Variants in RGSL1 observed in about 807,000 individuals in gnomAD.
The protein encoded by RGSL1 is regulator of G protein signaling like 1.
In RGSL1, 97 loss-of-function variants were observed where a neutral mutation model predicts 124.7. The observed-to-expected ratio is 0.78, with a 90% CI of 0.66 to 0.92. RGSL1 has a LOEUF of 0.92. Ranked by LOEUF, RGSL1 falls within the 40% of genes least tolerant of loss-of-function variation. The probability of loss-of-function intolerance (pLI) is 0.00; values close to 1 mark genes in which losing one functional copy is unlikely to be tolerated. For synonymous variants in RGSL1, 424 were observed against 438.1 expected (o/e 0.97, Z 0.40); for missense variants, 1,233 against 1,288.4 (o/e 0.96, Z 0.66).
chr1:182,487,424 A>G (rs992201128), intron 6 of RGSL1, among the ~76,000 whole-genome samples: 24 of 152,124 alleles, frequency 1.6e-4, no homozygotes, highest in African/African-American at 5.8e-4. Flanking sequence ...TTCAGCCCAC[A>G]CTGAAGTACT....
intron 9 of RGSL1, among the ~76,000 whole-genome samples, chr1:182,521,568 T>G (rs1368732307): frequency 1.3e-5 from 2 of 152,196 alleles, no homozygotes; most frequent in Non-Finnish European, 2.9e-5. Context: ...AAGTCAAGCA[T>G]CTGTGAAAGT....
chr1:182,490,652 A>C (rs1176347975), intron 8 of RGSL1, among the ~76,000 whole-genome samples: 1 of 152,162 alleles, frequency 6.6e-6, no homozygotes, highest in Non-Finnish European at 1.5e-5. Context: ...TTCACCACAC[A>C]TATGTTGGGC....
intron 4 of RGSL1, among the ~76,000 whole-genome samples, chr1:182,464,046 C>G (rs1479041458): frequency 6.6e-6 from 1 of 151,920 alleles, no homozygotes; most frequent in Non-Finnish European, 1.5e-5. Context: ...AAATAAATAA[C>G]AGAAGTTAAA....
chr1:182,508,276 T>G (rs1052566589), intron 9 of RGSL1, among the ~76,000 whole-genome samples: 6 of 148,240 alleles, frequency 4.0e-5, no homozygotes, highest in Admixed American at 1.4e-4. Context: ...GTGATGGTTG[T>G]TGGTGGTGGT....
chr1:182,513,633 T>C (rs908127892), intron 9 of RGSL1, among the ~76,000 whole-genome samples: 1 of 152,204 alleles, frequency 6.6e-6, no homozygotes, highest in Non-Finnish European at 1.5e-5. Flanking sequence ...ATGGTGACTC[T>C]TAAGCTTCTG....
intron 2 of RGSL1, among the ~76,000 whole-genome samples, chr1:182,454,291 C>T (rs2101979355): frequency 6.6e-6 from 1 of 152,222 alleles, no homozygotes; most frequent in East Asian, 1.9e-4. Context: ...TTTACCTGTC[C>T]AAAGTTACTT....
chr1:182,452,424 C>T (rs1248965300), intron 1 of RGSL1, among the ~76,000 whole-genome samples: 1 of 151,586 alleles, frequency 6.6e-6, no homozygotes. Context: ...GATACCAGCT[C>T]TGTCACTCAC....
chr1:182,499,335 T>C (rs1034926783), intron 9 of RGSL1, among the ~76,000 whole-genome samples: 4 of 152,208 alleles, frequency 2.6e-5, no homozygotes, highest in Non-Finnish European at 5.9e-5. Context: ...TAAGAACTTG[T>C]TTTATGATCC....
chr1:182,513,306 G>A (rs947638090), intron 9 of RGSL1, among the ~76,000 whole-genome samples: 2 of 152,194 alleles, frequency 1.3e-5, no homozygotes, highest in African/African-American at 2.4e-5. Context: ...CTGGCAAAAC[G>A]AAGCCATCTT....
intron 21 of RGSL1, among the ~76,000 whole-genome samples, chr1:182,556,813 C>T (rs1412624043): frequency 6.6e-6 from 1 of 152,034 alleles, no homozygotes; most frequent in Non-Finnish European, 1.5e-5. Flanking sequence ...GGCCTATTTT[C>T]TCTCCTTTGA....
At chr1:182,552,787 G>A (rs1328171096) in intron 18 of RGSL1, among the ~76,000 whole-genome samples, 1 of 152,196 alleles carries the variant, frequency 6.6e-6, no homozygotes, top group East Asian at 1.9e-4. Flanking sequence ...AGGCAGAAGG[G>A]CAAGAGAGTG....
At chr1:182,529,266 A>G (rs1658990922) in intron 11 of RGSL1, among the ~76,000 whole-genome samples, 1 of 152,218 alleles carries the variant, frequency 6.6e-6, no homozygotes, top group African/African-American at 2.4e-5. Flanking sequence ...TAAAGGAAAC[A>G]CAGAGAGGTT....
chr1:182,472,543 G>C lies in RGSL1; in HGVS notation c.449G>C (p.Cys150Ser). ...GAGGGCTCCAGGGTGGTAACCCTCTGTAACATGAACATCAGTAAGAATTAT... is the reference window on the plus strand; with the variant it reads ...GAGGGCTCCAGGGTGGTAACCCTCTCTAACATGAACATCAGTAAGAATTAT... ...LQEGSRVVTL[C>S]NMNIKSLLNL... The change falls in exon 5 of 22, where the codon TGT becomes TCT. Residue 150 changes from cysteine to serine, a missense_variant. Transcript: ENST00000294854. 6.5e-7 allele frequency: 1 copy of C among 1,532,240 alleles called. No homozygotes were observed. Among genetic ancestry groups the C allele is most frequent in the Non-Finnish European group, 8.8e-7 (1 of 1,134,308 alleles). The allele number at this position is 1,532,240 out of a possible 1,614,324, so 94.9% of individuals were successfully genotyped here.
chr1:182,499,464 G>T (rs1656187519), intron 9 of RGSL1, among the ~76,000 whole-genome samples: 3 of 152,160 alleles, frequency 2.0e-5, no homozygotes, highest in Admixed American at 2.0e-4. Context: ...TTGATTTAAA[G>T]ACTGTTTTGT....
chr1:182,471,547 G>A (rs1158255616), intron 4 of RGSL1, among the ~76,000 whole-genome samples: 2 of 152,076 alleles, frequency 1.3e-5, no homozygotes, highest in African/African-American at 2.4e-5. Context: ...CATAGTGTAG[G>A]TTAAGGGAAA....
chr1:182,529,150 G>C (rs975805818), intron 11 of RGSL1, among the ~76,000 whole-genome samples: 2 of 152,150 alleles, frequency 1.3e-5, no homozygotes, highest in Non-Finnish European at 1.5e-5. Flanking sequence ...CCAAGTCTAA[G>C]ATACTTTCAC....
chr1:182,489,620 T>A (rs1331525175), intron 8 of RGSL1, among the ~76,000 whole-genome samples: 2 of 152,246 alleles, frequency 1.3e-5, no homozygotes, highest in Non-Finnish European at 2.9e-5. Flanking sequence ...TATTTTACAG[T>A]CACCCGCTTC....
intron 14 of RGSL1, among the ~76,000 whole-genome samples, chr1:182,537,179 A>G (rs750490929): frequency 2.0e-5 from 3 of 152,182 alleles, no homozygotes; most frequent in Non-Finnish European, 2.9e-5. Context: ...GAGTACTGAT[A>G]TGACACCACA....
intron 9 of RGSL1, among the ~76,000 whole-genome samples, chr1:182,507,794 T>C (rs1656935737): frequency 6.6e-6 from 1 of 152,024 alleles, no homozygotes; most frequent in African/African-American, 2.4e-5. Context: ...CCTTGACCTC[T>C]TGGACTCAAG....
Sources: allele counts gnomAD v4.1 joint callset (sites outside exome capture counted in the v4.1 genomes callset), GRCh38; gene constraint gnomAD v4.1.1; transcripts MANE v1.5; gene names NCBI Gene and HGNC (gene_info 2026-07-23, HGNC 2026-07-21).